THSD7B: variants seen among roughly 807,000 people sequenced by gnomAD.
The protein encoded by THSD7B is thrombospondin type 1 domain containing 7B, also known as thrombospondin type-1 domain-containing protein 7B.
THSD7B carries 138 observed loss-of-function variants against 213.6 expected under a neutral mutation model. The observed-to-expected ratio is 0.65, with a 90% CI of 0.56 to 0.74. The LOEUF is 0.74. Among genes scored for constraint, THSD7B ranks in the 30% least tolerant of loss-of-function variants. The pLI is 0.00. For missense variants in THSD7B, 1,931 were observed against 1,991.5 expected (o/e 0.97, Z 0.58); for synonymous variants, 742 against 687.0 (o/e 1.08, Z -1.25).
chr2:136,779,107 T>A (rs1228356977), intron 1 of THSD7B, among the ~76,000 whole-genome samples: 1 of 152,146 alleles, frequency 6.6e-6, no homozygotes, highest in Non-Finnish European at 1.5e-5. Flanking sequence ...TTATGAAGTG[T>A]GTAAACTTGA....
At position 137,104,313 on chromosome 2, in the gene THSD7B, A is replaced by G. The variant is rs577067698; in HGVS notation, c.1199+9192A>G. Among the ~76,000 whole-genome samples, 52 of 152,356 alleles carry G rather than the reference A, an allele frequency of 3.4e-4. 1 individual carries two copies. The South Asian group carries it at 9.5e-3, about 28-fold the overall frequency. ...AAATAATGAAATTAAGGCTGAAATAAATAAGTTCTTTGAAACTAGTGAGAA... is the reference window on the plus strand; with the variant it reads ...AAATAATGAAATTAAGGCTGAAATAGATAAGTTCTTTGAAACTAGTGAGAA... On this transcript the variant is annotated intron_variant, in intron 4 of 27. Transcript: ENST00000409968.
intron 14 of THSD7B, among the ~76,000 whole-genome samples, chr2:137,413,233 G>T (rs1686711367): frequency 6.6e-6 from 1 of 152,090 alleles, no homozygotes; most frequent in African/African-American, 2.4e-5. Flanking sequence ...TCACAAGAAA[G>T]TAATGGACCC....
chr2:137,315,164 G>A (rs1460278027), intron 12 of THSD7B, among the ~76,000 whole-genome samples: 8 of 152,184 alleles, frequency 5.3e-5, no homozygotes, highest in South Asian at 4.1e-4. Flanking sequence ...GCGAGACTCC[G>A]TGGGCGTAGG....
chr2:136,801,327 A>G (rs1468346017), intron 1 of THSD7B, among the ~76,000 whole-genome samples: 1 of 152,070 alleles, frequency 6.6e-6, no homozygotes, highest in Non-Finnish European at 1.5e-5. Context: ...ATCTAGAATC[A>G]TTTGAGGTAG....
chr2:137,178,282 G>A (rs555622013), intron 7 of THSD7B, among the ~76,000 whole-genome samples: 30 of 151,828 alleles, frequency 2.0e-4, no homozygotes, highest in Admixed American at 9.8e-4. Context: ...CAGAAGACAC[G>A]CAATATGTGA....
rs189213570 is a variant in THSD7B at position 137,643,510 on chromosome 2, T to C, written c.3945+877T>C. ...AAATGCGTGGTACATTTGTTCAGTC[T>C]CATTTTTAGAGAAAATAAGATAACC... On this transcript the variant is annotated intron_variant, in intron 21 of 27. Transcript: ENST00000409968. Among the ~76,000 whole-genome samples the C allele has an allele frequency of 4.4e-3, 669 of 152,328 alleles. 4 individuals carry two copies. The highest frequency in any genetic ancestry group is 0.01 in the Middle Eastern group (3 of 294).
rs569986993 is a variant in THSD7B, at chr2:136,791,774, G to A, written c.-36+26087G>A. On this transcript the variant is annotated intron_variant, in intron 1 of 27. Transcript: ENST00000409968. ...ATATTCCATTGTATGGATACACCAC[G>A]TTTTATTTGTCAGTTGGTGAACATT... Among the ~76,000 whole-genome samples, 27 of 152,022 alleles carry A rather than the reference G, an allele frequency of 1.8e-4. No individual in the cohort carries two copies. In the South Asian group the frequency reaches 3.5e-3, roughly 20 times the overall value.
At chr2:136,767,807 T>C (rs1417730005) in intron 1 of THSD7B, among the ~76,000 whole-genome samples, 1 of 152,194 alleles carries the variant, frequency 6.6e-6, no homozygotes, top group Non-Finnish European at 1.5e-5. Flanking sequence ...TGGTGGACTT[T>C]GATAGTCTGT....
chr2:137,009,230 T>A (rs1443696929), intron 2 of THSD7B, among the ~76,000 whole-genome samples: 1 of 152,312 alleles, frequency 6.6e-6, no homozygotes. Flanking sequence ...CTGTCCACAA[T>A]GGGGCTTATC....
chr2:137,018,311 G>A (rs940075056), intron 2 of THSD7B, among the ~76,000 whole-genome samples: 1 of 151,938 alleles, frequency 6.6e-6, no homozygotes, highest in African/African-American at 2.4e-5. Flanking sequence ...TTTCCCATAG[G>A]CATAAGGACA....
intron 1 of THSD7B, among the ~76,000 whole-genome samples, chr2:136,844,472 G>GAGAGAGAGAGAT (rs905522486): frequency 3.4e-5 from 5 of 148,832 alleles, no homozygotes; most frequent in Non-Finnish European, 7.4e-5. Flanking sequence ...CAGAGAGAGA[G>GAGAGAGAGAGAT]AGAGAGAGAG....
rs79216533 is a variant in THSD7B at position 137,460,439 on chromosome 2, A to G, written c.3138+9416A>G. ...ACATCAGTTTACTTGTATTTATATT[A>G]TATTGCCTTTTAGAAATAAATTATG... On this transcript the variant is annotated intron_variant, in intron 15 of 27. Coordinates refer to ENST00000409968, the MANE Select transcript of THSD7B (RefSeq NM_001316349.2). Among the ~76,000 whole-genome samples the G allele has an allele frequency of 1.2e-4, 19 of 152,196 alleles. No individual in the cohort carries two copies. In the East Asian group the frequency reaches 3.5e-3, roughly 28 times the overall value.
At chr2:137,564,030 A>G (rs1681179363) in intron 16 of THSD7B, among the ~76,000 whole-genome samples, 1 of 152,230 alleles carries the variant, frequency 6.6e-6, no homozygotes, top group Non-Finnish European at 1.5e-5. Flanking sequence ...GATAATGGCA[A>G]TGAACATTAG....
intron 1 of THSD7B, among the ~76,000 whole-genome samples, chr2:136,869,071 G>A (rs1158013160): frequency 6.6e-6 from 1 of 151,990 alleles, no homozygotes; most frequent in African/African-American, 2.4e-5. Flanking sequence ...TCTATTAAAT[G>A]ATTTAACTTC....
At chr2:137,284,478 T>C (rs1683118845) in intron 12 of THSD7B, among the ~76,000 whole-genome samples, 1 of 152,154 alleles carries the variant, frequency 6.6e-6, no homozygotes, top group Non-Finnish European at 1.5e-5. Flanking sequence ...TCTAGTTCTT[T>C]TAATTGTGAT....
chr2:136,842,715 T>C (rs1327140210), intron 1 of THSD7B, among the ~76,000 whole-genome samples: 3 of 152,294 alleles, frequency 2.0e-5, no homozygotes, highest in East Asian at 1.9e-4. Flanking sequence ...CACAGAACAG[T>C]TGGGGTGAAG....
At chr2:136,892,377 G>A (rs1202177492) in intron 2 of THSD7B, among the ~76,000 whole-genome samples, 2 of 152,146 alleles carry the variant, frequency 1.3e-5, no homozygotes, top group African/African-American at 4.8e-5. Context: ...AAGGGAAGGT[G>A]AGTCTGTGAC....
chr2:136,814,111 C>T (rs115635100), intron 1 of THSD7B, among the ~76,000 whole-genome samples: 2,681 of 152,258 alleles, frequency 0.018, 33 homozygotes, highest in Non-Finnish European at 0.027. Context: ...GATCTTTGAA[C>T]TCAGCTGGAG....
chr2:137,545,338 C>A (rs1383662538), intron 15 of THSD7B, among the ~76,000 whole-genome samples: 2 of 151,758 alleles, frequency 1.3e-5, no homozygotes, highest in Admixed American at 6.6e-5. Flanking sequence ...CCCCAAGAGT[C>A]CCGTAAGTGA....
Sources: gnomAD v4.1 joint callset for allele counts (sites outside exome capture counted in the v4.1 genomes callset) on GRCh38, gnomAD v4.1.1 for gene constraint, MANE v1.5 for transcripts, NCBI Gene and HGNC (gene_info 2026-07-23, HGNC 2026-07-21) for gene names.